MACROD2: variants seen among roughly 807,000 people sequenced by gnomAD.
MACROD2 encodes the protein ADP-ribose glycohydrolase MACROD2.
A neutral mutation model predicts 70.4 loss-of-function variants in MACROD2; 36 were observed. The ratio of observed to expected loss-of-function variants is 0.51; its 90% CI spans 0.39 to 0.68. The LOEUF is 0.68. Ranked by LOEUF, MACROD2 falls within the 30% of genes least tolerant of loss-of-function variation. The pLI is 0.00. For missense variants in MACROD2, 496 were observed against 538.4 expected, an observed-to-expected ratio of 0.92 and a Z score of 0.78; for synonymous variants, 172 against 178.8, an observed-to-expected ratio of 0.96 and a Z score of 0.30.
intron 4 of MACROD2, among the ~76,000 whole-genome samples, chr20:14,563,580 A>T (rs896032719): frequency 2.0e-5 from 3 of 151,916 alleles, no homozygotes; most frequent in African/African-American, 7.3e-5. Flanking sequence ...GTTGGTTCAT[A>T]TGCAGTTGTA....
At chr20:15,904,155 C>A (rs2065107761) in intron 10 of MACROD2, among the ~76,000 whole-genome samples, 1 of 152,134 alleles carries the variant, frequency 6.6e-6, no homozygotes, top group South Asian at 2.1e-4. Flanking sequence ...ACCCCGAGGC[C>A]AAAGTTCCTT....
At chr20:14,721,659 G>C (rs1453826728) in intron 5 of MACROD2, among the ~76,000 whole-genome samples, 2 of 152,094 alleles carry the variant, frequency 1.3e-5, no homozygotes, top group African/African-American at 4.8e-5. Flanking sequence ...TTTCTTCATA[G>C]GTTTCTTCTG....
At chr20:16,044,167 A>T (rs981698173) in intron 16 of MACROD2, among the ~76,000 whole-genome samples, 6 of 151,968 alleles carry the variant, frequency 3.9e-5, no homozygotes, top group African/African-American at 1.4e-4. Flanking sequence ...AGGAAGGGGG[A>T]GTATGCAACT....
chr20:15,078,861 GTCACA>G (rs1301578707), intron 5 of MACROD2, among the ~76,000 whole-genome samples: 1 of 152,048 alleles, frequency 6.6e-6, no homozygotes, highest in African/African-American at 2.4e-5. Context: ...GGTCAGGCTG[GTCACA>G]GACTCCTGAC....
chr20:14,106,148 T>C (rs954116136), intron 3 of MACROD2, among the ~76,000 whole-genome samples: 1 of 152,326 alleles, frequency 6.6e-6, no homozygotes, highest in Admixed American at 6.5e-5. Context: ...GGAACTGCCC[T>C]GTGCCTGTGG....
chr20:14,624,848 C>G (rs769227600), intron 4 of MACROD2, among the ~76,000 whole-genome samples: 1 of 152,150 alleles, frequency 6.6e-6, no homozygotes, highest in Non-Finnish European at 1.5e-5. Context: ...TGAATGCCAG[C>G]CAGAAATGTA....
chr20:15,381,160 C>A (rs1382738141), intron 6 of MACROD2, among the ~76,000 whole-genome samples: 1 of 151,982 alleles, frequency 6.6e-6, no homozygotes, highest in Admixed American at 6.6e-5. Context: ...TGCTATACCT[C>A]TTTTTATTAG....
At chr20:15,586,888 G>A (rs1351107762) in intron 8 of MACROD2, among the ~76,000 whole-genome samples, 2 of 152,074 alleles carry the variant, frequency 1.3e-5, no homozygotes, top group African/African-American at 2.4e-5. Flanking sequence ...AAAAATTTGT[G>A]AGATCTACAT....
At chr20:15,408,329 G>A (rs2046031948) in intron 6 of MACROD2, among the ~76,000 whole-genome samples, 2 of 152,200 alleles carry the variant, frequency 1.3e-5, no homozygotes, top group Admixed American at 6.5e-5. Context: ...CAGAGTGGAA[G>A]TCCCTTAGAG....
intron 5 of MACROD2, among the ~76,000 whole-genome samples, chr20:15,180,266 A>C (rs948472613): frequency 6.6e-6 from 1 of 152,204 alleles, no homozygotes; most frequent in Non-Finnish European, 1.5e-5. Context: ...GGAATCAACT[A>C]CAATGACTGT....
chr20:14,831,923 T>TTTTTTTTTTTTGAGAC, intron 5 of MACROD2, among the ~76,000 whole-genome samples: 1 of 148,532 alleles, frequency 6.7e-6, no homozygotes, highest in African/African-American at 2.5e-5. Context: ...GTTATGTTCT[T>TTTTTTTTTTTTGAGAC]GGGGATGCAT....
chr20:14,116,694 C>G (rs1350908091), intron 3 of MACROD2, among the ~76,000 whole-genome samples: 1 of 152,066 alleles, frequency 6.6e-6, no homozygotes, highest in Non-Finnish European at 1.5e-5. Context: ...CATTTATATA[C>G]TTTTTTGTTT....
intron 3 of MACROD2, among the ~76,000 whole-genome samples, chr20:14,421,709 C>T (rs1186527053): frequency 1.3e-5 from 2 of 151,910 alleles, no homozygotes; most frequent in African/African-American, 2.4e-5. Context: ...TATGAATTTT[C>T]CTATTTTCCT....
intron 10 of MACROD2, among the ~76,000 whole-genome samples, chr20:15,929,027 T>C (rs2065533694): frequency 6.6e-6 from 1 of 152,176 alleles, no homozygotes; most frequent in Admixed American, 6.6e-5. Context: ...GCCATAATAA[T>C]GCTGTGCAAT....
At chr20:15,610,387 C>T (rs2048950495) in intron 8 of MACROD2, among the ~76,000 whole-genome samples, 1 of 152,140 alleles carries the variant, frequency 6.6e-6, no homozygotes, top group East Asian at 1.9e-4. Flanking sequence ...TCATTCCTTG[C>T]TTCTCTTCTA....
Position 14,548,445 on chromosome 20 carries a change from G to A in MACROD2, c.301+54937G>A, listed in dbSNP as rs1221458733. ...TATAAAATACATTATCTGGCCGGGCGCGGTGGCTCACGCCTGTAATCCCAG... is the reference window on the plus strand; with the variant it reads ...TATAAAATACATTATCTGGCCGGGCACGGTGGCTCACGCCTGTAATCCCAG... On this transcript the variant is annotated intron_variant, in intron 4 of 17. Transcript: ENST00000684519. Among the ~76,000 whole-genome samples the A allele has an allele frequency of 1.2e-3, 18 of 14,624 alleles. 5 individuals are homozygous for A. Among genetic ancestry groups the A allele is most frequent in the African/African-American group, 2.5e-3 (18 of 7,188 alleles). The allele number at this position is 14,624 out of a possible 152,430, so 9.6% of individuals were successfully genotyped here.
chr20:15,817,798 A>T (rs889170206), intron 8 of MACROD2, among the ~76,000 whole-genome samples: 6 of 152,110 alleles, frequency 3.9e-5, no homozygotes, highest in African/African-American at 1.4e-4. Flanking sequence ...TTGCAATTTT[A>T]ATTGGGTTCT....
At chr20:14,055,192 T>G (rs990553801) in intron 2 of MACROD2, among the ~76,000 whole-genome samples, 5 of 152,196 alleles carry the variant, frequency 3.3e-5, no homozygotes, top group Non-Finnish European at 4.4e-5. Flanking sequence ...TGCGTTTATT[T>G]TGTCTTAAAC....
At chr20:15,064,019 G>A (rs567054225) in intron 5 of MACROD2, among the ~76,000 whole-genome samples, 95 of 152,294 alleles carry the variant, frequency 6.2e-4, no homozygotes, top group Non-Finnish European at 1.0e-3. Context: ...AGGAAACTGA[G>A]ACTCAGAGAA....
Sources: gnomAD v4.1 joint callset for allele counts (sites outside exome capture counted in the v4.1 genomes callset) on GRCh38, gnomAD v4.1.1 for gene constraint, MANE v1.5 for transcripts, NCBI Gene and HGNC (gene_info 2026-07-23, HGNC 2026-07-21) for gene names.